SNAPC3: variants seen among roughly 807,000 people sequenced by gnomAD.
SNAPC3 encodes small nuclear RNA activating complex polypeptide 3.
SNAPC3 carries 56 observed loss-of-function variants against 47.7 expected under a neutral mutation model. The ratio of observed to expected loss-of-function variants is 1.18; its 90% CI spans 0.95 to 1.47. The LOEUF (loss-of-function observed/expected upper bound fraction) is 1.47, where lower values mean the gene tolerates loss of function less well. Among genes scored for constraint, SNAPC3 ranks in the 40% most tolerant of loss-of-function variants. The probability of loss-of-function intolerance (pLI) is 0.00; values close to 1 mark genes in which losing one functional copy is unlikely to be tolerated. For missense variants in SNAPC3, 665 were observed against 511.3 expected, an observed-to-expected ratio of 1.30 and a Z score of -2.90; for synonymous variants, 235 against 189.9, an observed-to-expected ratio of 1.24 and a Z score of -1.95.
chr9:15,439,126 C>G (rs1056057308), intron 3 of SNAPC3, among the ~76,000 whole-genome samples: 1 of 152,150 alleles, frequency 6.6e-6, no homozygotes, highest in Non-Finnish European at 1.5e-5. Context: ...CTTCCCACCT[C>G]CACCTCCCAA....
In SNAPC3 at chr9:15,440,987, G is replaced by A. The variant is rs913771099; in HGVS notation, c.478-3615G>A. Among the ~76,000 whole-genome samples, 7 of 150,296 alleles carry A rather than the reference G, an allele frequency of 4.7e-5. No homozygotes were observed. In the South Asian group the frequency reaches 6.3e-4, roughly 14 times the overall value. ...AAAAAATTGGTCAGTCAGTCCATCC[G>A]TCTATCTGCCCATTCTCTGGTTTCT... is the stretch of plus-strand genomic sequence containing the variant. On this transcript the variant is annotated intron_variant, in intron 3 of 8. Coordinates refer to ENST00000380821, the MANE Select transcript of SNAPC3 (RefSeq NM_001039697.2).
downstream of SNAPC3, chr9:15,462,667 CTATT>C (rs1029626100): frequency 1.7e-4 from 26 of 152,102 alleles, no homozygotes; most frequent in African/African-American, 6.0e-4. Flanking sequence ...GAAGCAATAG[CTATT>C]TCTTTAAACA....
At chr9:15,429,555 C>T (rs1315553911) in intron 2 of SNAPC3, among the ~76,000 whole-genome samples, 5 of 151,994 alleles carry the variant, frequency 3.3e-5, no homozygotes, top group Non-Finnish European at 7.4e-5. Flanking sequence ...AAACCTGACA[C>T]ACCAGATAGT....
At chr9:15,424,857 T>C (rs1005274565) in intron 2 of SNAPC3, among the ~76,000 whole-genome samples, 1 of 152,234 alleles carries the variant, frequency 6.6e-6, no homozygotes, top group Admixed American at 6.5e-5. Flanking sequence ...TCAACTCTAC[T>C]TGGGTTTTCT....
At chr9:15,454,247 A>T (rs377299830) in intron 7 of SNAPC3, among the ~76,000 whole-genome samples, 1 of 151,918 alleles carries the variant, frequency 6.6e-6, no homozygotes, top group Admixed American at 6.6e-5. Context: ...AAAAAAAGAA[A>T]AAAAGAAAGA....
intron 7 of SNAPC3, among the ~76,000 whole-genome samples, chr9:15,456,550 C>G (rs892016226): frequency 6.6e-6 from 1 of 152,058 alleles, no homozygotes; most frequent in Non-Finnish European, 1.5e-5. Context: ...TCAATGCAGC[C>G]TCAACCTCCT....
At position 15,433,688 on chromosome 9, in the gene SNAPC3, A is replaced by T. The variant is rs369669368; in HGVS notation, c.477+52A>T. On this transcript the variant is annotated intron_variant, in intron 3 of 8. Coordinates refer to ENST00000380821, the MANE Select transcript of SNAPC3 (RefSeq NM_001039697.2). ...CCTTTTCTCTTAAAACAGTAAACCG[A>T]CATTGGCTGAGGGTTAGTAATGACA... 91 of 1,146,042 alleles carry T rather than the reference A, an allele frequency of 7.9e-5. 1 individual carries two copies. The highest frequency in any genetic ancestry group is 7.7e-4 in the East Asian group (33 of 42,656). 71.0% of individuals were successfully genotyped at this position (1,146,042 alleles called of 1,614,324 possible).
intron 3 of SNAPC3, 58 bp from the exon 4 acceptor site, chr9:15,444,544 C>A: frequency 1.8e-6 from 2 of 1,091,114 alleles, no homozygotes; most frequent in Non-Finnish European, 2.8e-6. Context: ...CATTGTACCA[C>A]ACTGCATCTT....
At chr9:15,439,563 C>T (rs962658180) in intron 3 of SNAPC3, among the ~76,000 whole-genome samples, 1 of 152,028 alleles carries the variant, frequency 6.6e-6, no homozygotes, top group African/African-American at 2.4e-5. Context: ...GAGACAGAGT[C>T]TCACTCTGTC....
downstream of SNAPC3, chr9:15,463,763 C>G (rs2035408847): frequency 6.6e-6 from 1 of 152,104 alleles, no homozygotes; most frequent in South Asian, 2.1e-4. Flanking sequence ...CTAGTTAGAG[C>G]AAGGTCAGCC....
chr9:15,442,615 C>T (rs150091941), intron 3 of SNAPC3, among the ~76,000 whole-genome samples: 4,418 of 151,906 alleles, frequency 0.029, 201 homozygotes, highest in African/African-American at 0.1. Flanking sequence ...AGACAATGGG[C>T]GGCCGGGCAG....
chr9:15,465,691 A>C (rs2035576486), downstream of SNAPC3: 2 of 844,898 alleles, frequency 2.4e-6, 1 homozygote, highest in Admixed American at 5.6e-5. Flanking sequence ...ACTGAAACCA[A>C]CCAAACAAAA....
intron 2 of SNAPC3, 40 bp downstream of exon 2, chr9:15,424,026 AT>A (rs552658942): frequency 7.6e-6 from 9 of 1,189,480 alleles, no homozygotes; most frequent in Admixed American, 7.3e-5. Flanking sequence ...TTATTTAAAC[AT>A]TTTTTCAACA....
intron 7 of SNAPC3, among the ~76,000 whole-genome samples, chr9:15,454,032 C>G (rs576782662): frequency 3.9e-5 from 6 of 152,002 alleles, no homozygotes; most frequent in Non-Finnish European, 7.4e-5. Flanking sequence ...CCCAGGAGTT[C>G]GAGACCAGCC....
chr9:15,424,794 C>T (rs189468242), intron 2 of SNAPC3, among the ~76,000 whole-genome samples: 2 of 152,284 alleles, frequency 1.3e-5, no homozygotes, highest in East Asian at 3.9e-4. Context: ...CAGCTATGTT[C>T]TGTCGTTCTT....
chr9:15,457,920 A>G, intron 7 of SNAPC3, 40 bp from the exon 8 acceptor site: 3 of 1,222,930 alleles, frequency 2.5e-6, no homozygotes, highest in Non-Finnish European at 3.5e-6. Flanking sequence ...GTCACTTAAT[A>G]TTTGTCACCT....
At chr9:15,464,090 AAAC>A (rs1212032383), downstream of SNAPC3, 2 of 178,836 alleles carry the variant, frequency 1.1e-5, no homozygotes, top group African/African-American at 2.4e-5. Context: ...TCTTTAATGA[AAAC>A]AAGTTTACAC....
chr9:15,432,176 A>T (rs192045865), intron 2 of SNAPC3, among the ~76,000 whole-genome samples: 69 of 152,326 alleles, frequency 4.5e-4, no homozygotes, highest in African/African-American at 1.6e-3. Context: ...AGACGTTATA[A>T]ACAAGGAAAT....
downstream of SNAPC3, chr9:15,462,800 T>C (rs75308024): frequency 6.6e-6 from 1 of 152,248 alleles, no homozygotes; most frequent in Non-Finnish European, 1.5e-5. Context: ...AACACATTTC[T>C]GCCTATTAAA....
Sources: allele counts gnomAD v4.1 joint callset (sites outside exome capture counted in the v4.1 genomes callset), GRCh38; gene constraint gnomAD v4.1.1; transcripts MANE v1.5; gene names NCBI Gene and HGNC (gene_info 2026-07-23, HGNC 2026-07-21).